The following STK17A variants were observed in gnomAD, a reference collection of about 807,000 sequenced individuals.
STK17A encodes serine/threonine-protein kinase 17A.
In STK17A, 26 loss-of-function variants were observed where a neutral mutation model predicts 43.7. The observed-to-expected ratio is 0.60, with a 90% CI of 0.44 to 0.83. The LOEUF is 0.83. Ranked by LOEUF, STK17A falls within the 40% of genes least tolerant of loss-of-function variation. The pLI is 0.00. For synonymous variants in STK17A, 191 were observed against 182.5 expected, an observed-to-expected ratio of 1.05 and a Z score of -0.38; for missense variants, 476 against 511.6, an observed-to-expected ratio of 0.93 and a Z score of 0.67.
chr7:43,592,459 G>C (rs879573012), intron 1 of STK17A, among the ~76,000 whole-genome samples: 2,814 of 148,422 alleles, frequency 0.019, 55 homozygotes, highest in Non-Finnish European at 0.032. Context: ...TGGAGGACAT[G>C]AAAATTATAT....
chr7:43,588,574 C>T (rs1220038068), intron 1 of STK17A, among the ~76,000 whole-genome samples: 2 of 151,494 alleles, frequency 1.3e-5, no homozygotes, highest in Non-Finnish European at 3.0e-5. Flanking sequence ...TAAGACATGG[C>T]TCACACCTGT....
At chr7:43,611,043 G>A (rs2082829703) in intron 3 of STK17A, among the ~76,000 whole-genome samples, 1 of 152,166 alleles carries the variant, frequency 6.6e-6, no homozygotes, top group Non-Finnish European at 1.5e-5. Flanking sequence ...CTTGAACCTG[G>A]GAGGTGACGG....
chr7:43,594,161 G>A (rs560882646), intron 1 of STK17A, among the ~76,000 whole-genome samples: 24 of 152,246 alleles, frequency 1.6e-4, no homozygotes, highest in African/African-American at 5.5e-4. Flanking sequence ...AGGAGGCTGA[G>A]GTGGGAGGAT....
chr7:43,583,386 C>T lies in STK17A; in HGVS notation c.143C>T (p.Ala48Val), dbSNP rs1451245116. The T allele has an allele frequency of 1.0e-5, 15 of 1,446,998 alleles. No individual in the cohort carries two copies. Among genetic ancestry groups the T allele is most frequent in the African/African-American group, 1.5e-5 (1 of 67,286 alleles). The allele number at this position is 1,446,998 out of a possible 1,614,324, so 89.6% of individuals were successfully genotyped here. The change falls in exon 1 of 7, where the codon GCC becomes GTC. Residue 48 changes from alanine (A) to valine (V), a missense_variant. Ala to Val is a moderately conservative substitution (Grantham distance 64, BLOSUM62 0). This residue lies in a region of STK17A where 320 missense variants were observed against 326.3 expected (regional missense o/e 0.98). Coordinates refer to ENST00000319357, the MANE Select transcript of STK17A (RefSeq NM_004760.3). ...QARGLLTEIRAVVRTEPFQDG... is the reference protein window; with the variant it reads ...QARGLLTEIRVVVRTEPFQDG... ...CGCGGGCTGCTGACAGAGATACGCG[C>T]CGTGGTGCGCACCGAGCCCTTCCAG... is the stretch of plus-strand genomic sequence containing the variant.
At chr7:43,592,577 T>C (rs2082487013) in intron 1 of STK17A, among the ~76,000 whole-genome samples, 1 of 151,430 alleles carries the variant, frequency 6.6e-6, no homozygotes, top group Admixed American at 6.6e-5. Context: ...AGGCCAGGCA[T>C]GGTGGCTCAT....
rs570537720 is a variant in STK17A at position 43,611,647 on chromosome 7, C to G, written c.564+3247C>G. On this transcript the variant is annotated intron_variant, in intron 3 of 6. Transcript: ENST00000319357. ...ACATTTACAAGGAAGATATGGCCTCCGCAGTACGGACTTTCACTGGGCTAA... is the reference window on the plus strand; with the variant it reads ...ACATTTACAAGGAAGATATGGCCTCGGCAGTACGGACTTTCACTGGGCTAA... 2.6e-5 allele frequency among the ~76,000 whole-genome samples: 4 copies of G among 152,280 alleles called. No individual in the cohort carries two copies. The East Asian group carries it at 7.7e-4, about 29-fold the overall frequency.
chr7:43,601,503 A>G (rs1043448822), intron 2 of STK17A, among the ~76,000 whole-genome samples: 3 of 152,194 alleles, frequency 2.0e-5, no homozygotes, highest in Non-Finnish European at 4.4e-5. Flanking sequence ...ATTGATCCAG[A>G]AAAGACCACC....
intron 3 of STK17A, among the ~76,000 whole-genome samples, chr7:43,615,576 G>A (rs1341571513): frequency 7.9e-5 from 12 of 151,990 alleles, no homozygotes; most frequent in East Asian, 1.9e-4. Flanking sequence ...TGTTTTTTTC[G>A]TGAAGAATTA....
Position 43,619,613 on chromosome 7 carries a change from TGAC to T in STK17A, c.582_584del (p.Thr195del). 1 of 1,613,962 alleles carries T rather than the reference TGAC, an allele frequency of 6.2e-7. No homozygotes were observed. Among genetic ancestry groups the T allele is most frequent in the Non-Finnish European group, 8.5e-7 (1 of 1,179,942 alleles). The stretch of plus-strand genomic sequence containing the variant: ...TTCTTTTAGCCTCAGAATATTCTGT[TGAC>T]AAGTGAATCTCCATTGGGTGACATT... On this transcript the variant is annotated inframe_deletion, in exon 4 of 7. Transcript: ENST00000319357.
intron 1 of STK17A, among the ~76,000 whole-genome samples, chr7:43,589,081 G>A (rs1390308795): frequency 6.6e-6 from 1 of 151,542 alleles, no homozygotes; most frequent in African/African-American, 2.4e-5. Flanking sequence ...GCAAGTCAGA[G>A]CAGTAGAAAA....
In STK17A at chr7:43,583,212, A is replaced by T; in HGVS notation, c.-32A>T. The T allele has an allele frequency of 3.2e-6, 5 of 1,553,586 alleles. No homozygotes were observed. Among genetic ancestry groups the T allele is most frequent in the South Asian group, 2.3e-5 (2 of 85,976 alleles). On this transcript the variant is annotated 5_prime_UTR_variant, in exon 1 of 7. Coordinates refer to ENST00000319357, the MANE Select transcript of STK17A (RefSeq NM_004760.3). ...GACCCTCCGGCTGCTCGGAGTGAACAGGCGGCCAGGAAAGAAGCGGGCCTG... is the reference window on the plus strand; with the variant it reads ...GACCCTCCGGCTGCTCGGAGTGAACTGGCGGCCAGGAAAGAAGCGGGCCTG...
chr7:43,623,997 A>G, intron 6 of STK17A, 109 bp downstream of exon 6: 1 of 712,562 alleles, frequency 1.4e-6, no homozygotes, highest in Non-Finnish European at 2.0e-6. Context: ...AAAATAGTTC[A>G]ACTTCTAAAA....
chr7:43,588,031 A>G (rs66673700), intron 1 of STK17A, among the ~76,000 whole-genome samples: 23,264 of 151,426 alleles, frequency 0.15, 3,067 homozygotes, highest in Non-Finnish European at 0.23. Flanking sequence ...ATTGAACCAA[A>G]TGCATTAGAA....
chr7:43,590,828 A>G (rs2082474472), intron 1 of STK17A, among the ~76,000 whole-genome samples: 1 of 151,528 alleles, frequency 6.6e-6, no homozygotes, highest in Non-Finnish European at 1.5e-5. Context: ...GTTGAGGTAC[A>G]GTCACAATTT....
chr7:43,624,742 GAC>G lies in STK17A; in HGVS notation c.1147_1148del (p.Gln383ValfsTer2). 1 of 1,613,888 alleles carries G rather than the reference GAC, an allele frequency of 6.2e-7. No homozygotes were observed. Among genetic ancestry groups the G allele is most frequent in the Non-Finnish European group, 8.5e-7 (1 of 1,179,872 alleles). On this transcript the variant is annotated frameshift_variant, in exon 7 of 7. Coordinates refer to ENST00000319357, the MANE Select transcript of STK17A (RefSeq NM_004760.3). LOFTEE classifies it high-confidence loss of function. Reference sequence around the variant, plus strand: ...ACTTCATATACTCTAGGACAATGCAGACAGTCTGAAAAAGAGAAAATGGAGCA... The same window carrying G: ...ACTTCATATACTCTAGGACAATGCAGAGTCTGAAAAAGAGAAAATGGAGCA...
At chr7:43,622,367 G>A (rs192183685) in intron 4 of STK17A, 69 of 152,186 alleles carry the variant, frequency 4.5e-4, no homozygotes, top group Middle Eastern at 6.8e-3. Flanking sequence ...TTCTATGGGG[G>A]TTTGTCACAA....
chr7:43,604,521 A>G (rs537937732), intron 2 of STK17A, among the ~76,000 whole-genome samples: 2 of 151,922 alleles, frequency 1.3e-5, no homozygotes, highest in Admixed American at 6.6e-5. Context: ...TTTTTTTGTC[A>G]TTCCATTGTC....
intron 1 of STK17A, among the ~76,000 whole-genome samples, chr7:43,590,259 C>G (rs990235534): frequency 2.6e-5 from 4 of 151,340 alleles, no homozygotes; most frequent in Non-Finnish European, 5.9e-5. Context: ...ATTATCTTTT[C>G]TAAACAATTA....
intron 1 of STK17A, among the ~76,000 whole-genome samples, chr7:43,589,258 G>A (rs1429194823): frequency 6.6e-6 from 1 of 151,090 alleles, no homozygotes; most frequent in Non-Finnish European, 1.5e-5. Flanking sequence ...AAAAGATGAA[G>A]AATAAGTGAG....
Sources: gnomAD v4.1 joint callset for allele counts (sites outside exome capture counted in the v4.1 genomes callset) on GRCh38, gnomAD v4.1.1 for gene constraint, gnomAD v4.1.1 regional missense constraint, MANE v1.5 for transcripts, NCBI Gene and HGNC (gene_info 2026-07-23, HGNC 2026-07-21) for gene names.